The following DCLK1 variants were observed in gnomAD, a reference collection of about 807,000 sequenced individuals.
The protein encoded by DCLK1 is doublecortin like kinase 1.
In DCLK1, 16 loss-of-function variants were observed where a neutral mutation model predicts 86.2. The ratio of observed to expected loss-of-function variants is 0.19; its 90% CI spans 0.13 to 0.28. DCLK1 has a LOEUF of 0.28. Among genes scored for constraint, DCLK1 ranks in the 10% least tolerant of loss-of-function variants. The pLI, the probability that DCLK1 is intolerant of heterozygous loss-of-function variation, is 1.00. For missense variants in DCLK1, 590 were observed against 940.2 expected (o/e 0.63, Z 4.87); for synonymous variants, 369 against 370.5 (o/e 1.00, Z 0.05).
In DCLK1 at chr13:36,099,070, C is replaced by T. The variant is rs548365716; in HGVS notation, c.723+12799G>A. Among the ~76,000 whole-genome samples, 5 of 151,716 alleles carry T rather than the reference C, an allele frequency of 3.3e-5. No homozygotes were observed. In the East Asian group the frequency reaches 5.8e-4, roughly 18 times the overall value. ...GCAACCTCCGCCTCCTGGGTTCAAG[C>T]GATTCTCCTGCCTCAGCCTCCTGAG... On this transcript the variant is annotated intron_variant, in intron 3 of 16. Transcript: ENST00000360631.
At chr13:36,033,880 G>T (rs532507421) in intron 3 of DCLK1, among the ~76,000 whole-genome samples, 2 of 152,158 alleles carry the variant, frequency 1.3e-5, no homozygotes. Flanking sequence ...AGCCGAAGTC[G>T]CACCATTGCG....
chr13:36,062,140 T>G (rs1313005182), intron 3 of DCLK1, among the ~76,000 whole-genome samples: 1 of 152,230 alleles, frequency 6.6e-6, no homozygotes, highest in Non-Finnish European at 1.5e-5. Context: ...TTATAAATTT[T>G]ATAAACAGGA....
chr13:36,083,132 A>G (rs767873591), intron 3 of DCLK1, among the ~76,000 whole-genome samples: 63 of 152,240 alleles, frequency 4.1e-4, no homozygotes, highest in Non-Finnish European at 6.8e-4. Context: ...GTCAAAGAGT[A>G]TAAACAATCT....
chr13:35,855,165 C>G (rs1030424462), intron 5 of DCLK1, among the ~76,000 whole-genome samples: 4 of 152,234 alleles, frequency 2.6e-5, no homozygotes, highest in Non-Finnish European at 5.9e-5. Context: ...AAACTCCTCA[C>G]AGTTTCTCTT....
At position 35,771,523 on chromosome 13, in the gene DCLK1, T is replaced by C. The variant is rs950714593; in HGVS notation, c.*3012A>G. The C allele has an allele frequency of 2.2e-4, 33 of 152,180 alleles. No homozygotes were observed. Among genetic ancestry groups the C allele is most frequent in the African/African-American group, 7.7e-4 (32 of 41,448 alleles). 9.4% of individuals were successfully genotyped at this position (152,180 alleles called of 1,614,324 possible). On this transcript the variant is annotated 3_prime_UTR_variant, in exon 17 of 17. Coordinates refer to ENST00000360631, the MANE Select transcript of DCLK1 (RefSeq NM_001330071.2). The stretch of plus-strand genomic sequence containing the variant: ...GAATAAAATGATTTCTGCTACAATG[T>C]TGAGAAAAAATGTGTTCATTAATAT...
chr13:35,901,129 C>T (rs1874330095), intron 4 of DCLK1, among the ~76,000 whole-genome samples: 1 of 152,006 alleles, frequency 6.6e-6, no homozygotes, highest in Non-Finnish European at 1.5e-5. Context: ...TGCTTCAGTT[C>T]TATATTATGA....
intron 3 of DCLK1, among the ~76,000 whole-genome samples, chr13:36,022,719 C>A (rs1881836920): frequency 6.6e-6 from 1 of 152,072 alleles, no homozygotes; most frequent in African/African-American, 2.4e-5. Context: ...AGTAAAAAAT[C>A]TAATTAGACC....
intron 14 of DCLK1, among the ~76,000 whole-genome samples, chr13:35,807,633 A>G (rs1169359174): frequency 2.0e-5 from 3 of 152,250 alleles, no homozygotes; most frequent in Admixed American, 6.5e-5. Flanking sequence ...CCTTCGCAGA[A>G]TTTGCATTCT....
intron 3 of DCLK1, among the ~76,000 whole-genome samples, chr13:35,959,854 CGTGTGTGTGTGTGTGTGT>C (rs67600362): frequency 1.3e-5 from 2 of 149,410 alleles, no homozygotes; most frequent in African/African-American, 4.9e-5. Context: ...TACAGCAAGT[CGTGTGTGTGTGTGTGTGT>C]GTGTGTGTGT....
At chr13:35,930,124 T>A (rs140078421) in intron 4 of DCLK1, among the ~76,000 whole-genome samples, 4 of 152,352 alleles carry the variant, frequency 2.6e-5, no homozygotes, top group African/African-American at 9.6e-5. Context: ...TTTCACTTCA[T>A]CTGCTTTCCT....
intron 3 of DCLK1, among the ~76,000 whole-genome samples, chr13:36,110,827 ATT>A (rs869131031): frequency 0.037 from 4,464 of 119,926 alleles, 140 homozygotes; most frequent in African/African-American, 0.14. Flanking sequence ...CATATAATCA[ATT>A]TTTTTTTTTT....
intron 3 of DCLK1, among the ~76,000 whole-genome samples, chr13:35,959,861 G>A (rs200524801): frequency 0.55 from 62,233 of 113,154 alleles, 13,816 homozygotes; most frequent in Admixed American, 0.62. Context: ...AGTCGTGTGT[G>A]TGTGTGTGTG....
At chr13:35,990,432 C>T (rs1228502657) in intron 3 of DCLK1, among the ~76,000 whole-genome samples, 1 of 152,004 alleles carries the variant, frequency 6.6e-6, no homozygotes, top group South Asian at 2.1e-4. Flanking sequence ...GCTATTGCGC[C>T]TCTGATCTCT....
At chr13:35,844,652 C>A (rs1468517096) in intron 6 of DCLK1, among the ~76,000 whole-genome samples, 1 of 152,150 alleles carries the variant, frequency 6.6e-6, no homozygotes, top group African/African-American at 2.4e-5. Flanking sequence ...ATGGGATTCC[C>A]AACCTGTAAT....
intron 3 of DCLK1, among the ~76,000 whole-genome samples, chr13:35,949,410 CT>C (rs1479175047): frequency 6.6e-6 from 1 of 152,158 alleles, no homozygotes; most frequent in East Asian, 1.9e-4. Flanking sequence ...GTGAAAAGAT[CT>C]CTGGGAGCAC....
chr13:35,977,321 C>T (rs530693755), intron 3 of DCLK1, among the ~76,000 whole-genome samples: 1 of 152,244 alleles, frequency 6.6e-6, no homozygotes, highest in South Asian at 2.1e-4. Context: ...GTCTGCATTT[C>T]TGCGCTCCTT....
At chr13:35,986,463 C>T (rs890768311) in intron 3 of DCLK1, among the ~76,000 whole-genome samples, 1 of 152,068 alleles carries the variant, frequency 6.6e-6, no homozygotes, top group African/African-American at 2.4e-5. Context: ...TCTCATGGGT[C>T]TGTGTTTGAC....
chr13:35,908,483 A>AT (rs1874808452), intron 4 of DCLK1, among the ~76,000 whole-genome samples: 1 of 152,244 alleles, frequency 6.6e-6, no homozygotes, highest in Non-Finnish European at 1.5e-5. Context: ...TTGTTGGGGC[A>AT]TGATTTAGCT....
chr13:35,959,449 C>T (rs1878332455), intron 3 of DCLK1, among the ~76,000 whole-genome samples: 1 of 152,138 alleles, frequency 6.6e-6, no homozygotes, highest in Non-Finnish European at 1.5e-5. Context: ...GGAACACCCC[C>T]CCACCTATAA....
Sources: gnomAD v4.1 joint callset for allele counts (sites outside exome capture counted in the v4.1 genomes callset) on GRCh38, gnomAD v4.1.1 for gene constraint, MANE v1.5 for transcripts, NCBI Gene and HGNC (gene_info 2026-07-23, HGNC 2026-07-21) for gene names.